The following MGAT5B variants were observed in gnomAD, a reference collection of about 807,000 sequenced individuals.
MGAT5B encodes N-acetylglucosaminyl-transferase Vb.
In MGAT5B, 54 loss-of-function variants were observed where a neutral mutation model predicts 95.1. The ratio of observed to expected loss-of-function variants is 0.57; its 90% confidence interval spans 0.46 to 0.71. The LOEUF (loss-of-function observed/expected upper bound fraction) is 0.71, where lower values mean the gene tolerates loss of function less well. MGAT5B is among the 30% of genes least tolerant of loss of function. The probability of loss-of-function intolerance (pLI) is 0.00; values close to 1 mark genes in which losing one functional copy is unlikely to be tolerated. For synonymous variants in MGAT5B, 464 were observed against 451.0 expected, an observed-to-expected ratio of 1.03 and a Z score of -0.36; for missense variants, 935 against 1,088.6, an observed-to-expected ratio of 0.86 and a Z score of 1.99.
chr17:76,936,338 G>T (rs1461265225), intron 12 of MGAT5B, among the ~76,000 whole-genome samples: 1 of 152,190 alleles, frequency 6.6e-6, no homozygotes, highest in African/African-American at 2.4e-5. Flanking sequence ...AACCTGGGAG[G>T]CGGAGGTTGC....
intron 8 of MGAT5B, chr17:76,923,775 CA>C (rs1567815811): frequency 6.6e-6 from 1 of 152,188 alleles, no homozygotes; most frequent in East Asian, 1.9e-4. Context: ...GACGTGCACT[CA>C]AGAAACATTT....
At chr17:76,879,803 C>T (rs569432060) in intron 2 of MGAT5B, among the ~76,000 whole-genome samples, 1 of 152,226 alleles carries the variant, frequency 6.6e-6, no homozygotes, top group East Asian at 1.9e-4. Context: ...CCGTTGCCCC[C>T]GCCTCTGGGA....
At position 76,914,425 on chromosome 17, in the gene MGAT5B, T is replaced by G. The variant is rs1208843964; in HGVS notation, c.1025+8238T>G. Among the ~76,000 whole-genome samples, 1 of 152,134 alleles carries G rather than the reference T, an allele frequency of 6.6e-6. No homozygotes were observed. Among genetic ancestry groups the G allele is most frequent in the East Asian group, 1.9e-4 (1 of 5,184 alleles). On this transcript the variant is annotated intron_variant, in intron 8 of 17. Coordinates refer to ENST00000569840, the MANE Select transcript of MGAT5B (RefSeq NM_001199172.2). This position sits in a 1 kb window ranked among gnomAD's most constrained non-coding sequence, Gnocchi z 5.1. ...GGTGACCAGTCAAAAGACCACATGC[T>G]GGGGGGTGTAAACCACACAAATGTG...
At chr17:76,942,889 T>C (rs8070977) in intron 15 of MGAT5B, among the ~76,000 whole-genome samples, 50,761 of 151,966 alleles carry the variant, frequency 0.33, 8,671 homozygotes, top group East Asian at 0.41. Flanking sequence ...ACCAATCCTC[T>C]AAGACTTCTC....
At chr17:76,911,615 G>A (rs1456383416) in intron 8 of MGAT5B, among the ~76,000 whole-genome samples, 1 of 152,202 alleles carries the variant, frequency 6.6e-6, no homozygotes, top group African/African-American at 2.4e-5. Flanking sequence ...TAAAGTGGGG[G>A]CATTGCATTG....
chr17:76,939,029 G>GGTGTGT (rs372571720), intron 13 of MGAT5B, among the ~76,000 whole-genome samples: 4,303 of 128,166 alleles, frequency 0.034, 69 homozygotes, highest in Middle Eastern at 0.075. Flanking sequence ...GCATCTTGGG[G>GGTGTGT]GTGTGTGTGT....
chr17:76,885,510 A>G (rs1052005360), intron 3 of MGAT5B, among the ~76,000 whole-genome samples: 2 of 152,022 alleles, frequency 1.3e-5, no homozygotes, highest in Non-Finnish European at 2.9e-5. Context: ...TGGCGCATCC[A>G]GTGTTTCTCT....
At chr17:76,882,773 G>A in intron 3 of MGAT5B, among the ~76,000 whole-genome samples, 1 of 141,602 alleles carries the variant, frequency 7.1e-6, no homozygotes, top group Non-Finnish European at 1.5e-5. Context: ...GGAGTGCAGT[G>A]GCACAGTCTC....
At chr17:76,923,443 A>G (rs555199776) in intron 8 of MGAT5B, among the ~76,000 whole-genome samples, 1 of 152,160 alleles carries the variant, frequency 6.6e-6, no homozygotes, top group East Asian at 1.9e-4. Context: ...ATGGGACCCG[A>G]TGGCCTGGCT....
chr17:76,898,633 C>T (rs1181360010), intron 3 of MGAT5B, among the ~76,000 whole-genome samples: 2 of 152,104 alleles, frequency 1.3e-5, no homozygotes, highest in Admixed American at 6.5e-5. Context: ...TTATCATGCT[C>T]AACATTCTGA....
At position 76,897,665 on chromosome 17, in the gene MGAT5B, CT is replaced by C. The variant is rs1409480450; in HGVS notation, c.330-4887del. On this transcript the variant is annotated intron_variant, in intron 3 of 17. Transcript: ENST00000569840. ...CCCTATTCCCAAGTAAGGCCACTTTCTTTCTTTCTTTCTTTCTTTCTTTCTT... is the reference window on the plus strand; with the variant it reads ...CCCTATTCCCAAGTAAGGCCACTTTCTTCTTTCTTTCTTTCTTTCTTTCTT... 5.6e-3 allele frequency among the ~76,000 whole-genome samples: 287 copies of C among 51,178 alleles called. 2 individuals are homozygous for C. The highest frequency in any genetic ancestry group is 0.028 in the South Asian group (36 of 1,268). 33.6% of individuals were successfully genotyped at this position (51,178 alleles called of 152,430 possible).
chr17:76,902,706 AG>A (rs1162774654), intron 4 of MGAT5B, 36 bp downstream of exon 4: 7 of 892,912 alleles, frequency 7.8e-6, no homozygotes, highest in African/African-American at 1.7e-5. Context: ...CTCTACCCCT[AG>A]GGGGCCAATG....
chr17:76,885,096 G>A (rs1202692457), intron 3 of MGAT5B, among the ~76,000 whole-genome samples: 1 of 152,164 alleles, frequency 6.6e-6, no homozygotes, highest in African/African-American at 2.4e-5. Flanking sequence ...TGGATAAACA[G>A]GGTGGCAGGA....
chr17:76,924,896 AAG>A, intron 8 of MGAT5B, 68 bp from the exon 9 acceptor site: 1 of 1,581,144 alleles, frequency 6.3e-7, no homozygotes, highest in South Asian at 1.1e-5. Context: ...TCTGGGCTCT[AAG>A]GAACTGGGGT....
chr17:76,912,874 C>A lies in MGAT5B; in HGVS notation c.1025+6687C>A, dbSNP rs1412652774. Among the ~76,000 whole-genome samples, 1 of 152,198 alleles carries A rather than the reference C, an allele frequency of 6.6e-6. No homozygotes were observed. The stretch of plus-strand genomic sequence containing the variant: ...CGCTGCATCCTGAGACGGCCTCGTG[C>A]ATGTGCAGGTCCAGGGTGGGCGTTT... On this transcript the variant is annotated intron_variant, in intron 8 of 17. Transcript: ENST00000569840. This position sits in a 1 kb window ranked among gnomAD's most constrained non-coding sequence, Gnocchi z 5.0.
intron 3 of MGAT5B, among the ~76,000 whole-genome samples, chr17:76,888,577 C>T (rs987682350): frequency 6.6e-6 from 1 of 152,160 alleles, no homozygotes; most frequent in Non-Finnish European, 1.5e-5. Flanking sequence ...TCTCGTAAAT[C>T]AGGAGAGGGA....
At chr17:76,904,574 A>G in intron 6 of MGAT5B, 152 bp downstream of exon 6, 1 of 887,318 alleles carries the variant, frequency 1.1e-6, no homozygotes, top group South Asian at 1.9e-5. Context: ...GGCAGACGGG[A>G]GGCCAGCCTG....
intron 10 of MGAT5B, among the ~76,000 whole-genome samples, chr17:76,927,410 T>A (rs566384880): frequency 6.6e-6 from 1 of 152,128 alleles, no homozygotes; most frequent in Admixed American, 6.5e-5. Context: ...CGGCTAATTT[T>A]TATATTTTTT....
At chr17:76,902,814 A>C (rs1968365804) in intron 4 of MGAT5B, 144 bp downstream of exon 4, 1 of 661,838 alleles carries the variant, frequency 1.5e-6, no homozygotes, top group Non-Finnish European at 2.6e-6. Context: ...GCCCCAGTTT[A>C]GGCTTTCAGC....
Sources: gnomAD v4.1 joint callset for allele counts (sites outside exome capture counted in the v4.1 genomes callset) on GRCh38, gnomAD v4.1.1 for gene constraint, Gnocchi (gnomAD v3.1) non-coding constraint, MANE v1.5 for transcripts, NCBI Gene and HGNC (gene_info 2026-07-23, HGNC 2026-07-21) for gene names.